The following MRNIP variants were observed in gnomAD, a reference collection of about 807,000 sequenced individuals.
The protein encoded by MRNIP is MRN complex interacting protein.
A neutral mutation model predicts 29.8 loss-of-function variants in MRNIP; 30 were observed. The observed-to-expected ratio is 1.01, with a 90% CI of 0.75 to 1.36. The LOEUF is 1.36. Ranked by LOEUF, MRNIP falls within the 40% of genes most tolerant of loss-of-function variation. The probability of loss-of-function intolerance (pLI) is 0.00; values close to 1 mark genes in which losing one functional copy is unlikely to be tolerated. For missense variants in MRNIP, 459 were observed against 423.5 expected, an observed-to-expected ratio of 1.08 and a Z score of -0.74; for synonymous variants, 201 against 164.1, an observed-to-expected ratio of 1.23 and a Z score of -1.72.
Position 179,841,966 on chromosome 5 carries a change from CTGTT to C in MRNIP, c.386_389del (p.Lys129SerfsTer55), listed in dbSNP as rs1561615530. The C allele has an allele frequency of 3.7e-6, 6 of 1,614,060 alleles. No individual in the cohort carries two copies. The South Asian group carries it at 6.6e-5, about 18-fold the overall frequency. ...CTGGCTCCTCCATTTTGGATGAAGG[CTGTT>C]TGCTGAAACACACTCCTGTTCCTTC... On this transcript the variant is annotated frameshift_variant, in exon 5 of 7. Coordinates refer to ENST00000292586, the MANE Select transcript of MRNIP (RefSeq NM_016175.4). LOFTEE classifies it high-confidence loss of function.
chr5:179,838,143 C>T (rs1758696500), intron 6 of MRNIP: 1 of 559,552 alleles, frequency 1.8e-6, no homozygotes, highest in Admixed American at 3.1e-5. Context: ...TCAGGTGATC[C>T]ATCTCCTGGG....
chr5:179,847,778 G>A, intron 3 of MRNIP, 200 bp downstream of exon 3: 2 of 528,832 alleles, frequency 3.8e-6, no homozygotes, highest in Non-Finnish European at 6.7e-6. Context: ...CTCGGGTGAA[G>A]CTCAGCCCCA....
intron 4 of MRNIP, 83 bp from the exon 5 acceptor site, chr5:179,842,147 TG>T: frequency 1.5e-6 from 2 of 1,372,678 alleles, no homozygotes; most frequent in Non-Finnish European, 2.0e-6. Context: ...CTCTTGGGCC[TG>T]AGGATCTCAG....
At position 179,837,328 on chromosome 5, in the gene MRNIP, G is replaced by C. The variant is rs780421957; in HGVS notation, c.*63C>G. ...GTTCTTACAGAGTATCTTTAAAAGT[G>C]CCTTAGGGGAACCCTGTCCCTCCTA... On this transcript the variant is annotated 3_prime_UTR_variant, in exon 7 of 7. Transcript: ENST00000292586. 6.3e-7 allele frequency: 1 copy of C among 1,588,040 alleles called. No individual in the cohort carries two copies. The highest frequency in any genetic ancestry group is 2.2e-5 in the East Asian group (1 of 44,674).
Position 179,846,726 on chromosome 5 carries a change from C to A in MRNIP, c.215+1252G>T, listed in dbSNP as rs544021685. On this transcript the variant is annotated intron_variant, in intron 3 of 6. Transcript: ENST00000292586. ...GTATGTAAAAGGCTGAAAAACCATG[C>A]AACTACTTCCTTTTATTTCCAAAAT... Among the ~76,000 whole-genome samples the A allele has an allele frequency of 2.6e-5, 4 of 152,290 alleles. No homozygotes were observed. In the East Asian group the frequency reaches 7.7e-4, roughly 29 times the overall value.
chr5:179,853,137 G>T, intron 2 of MRNIP: 1 of 1,174,794 alleles, frequency 8.5e-7, no homozygotes, highest in Non-Finnish European at 1.2e-6. Flanking sequence ...TTCCCCTTGT[G>T]CTTGGCACAC....
At position 179,837,670 on chromosome 5, in the gene MRNIP, C is replaced by T. The variant is rs757320769; in HGVS notation, c.753G>A (p.Gln251=). ...CTGGACCAGCTGGCCTGGGGTCCCT[C>T]TGAAGAGACCTTGGCTGCTCACTGT... ...HVDSEQPRSL[Q]RDPRPAGPAQ... The change falls in exon 7 of 7, where the codon CAG becomes CAA. Residue 251 remains glutamine (Q), a synonymous_variant. Transcript: ENST00000292586. 4 of 1,614,126 alleles carry T rather than the reference C, an allele frequency of 2.5e-6. No individual in the cohort carries two copies. The African/African-American group carries it at 5.3e-5, about 22-fold the overall frequency.
intron 6 of MRNIP, chr5:179,839,325 T>C (rs1409318638): frequency 6.7e-6 from 1 of 149,172 alleles, no homozygotes; most frequent in African/African-American, 2.5e-5. Context: ...AGCGATAGAG[T>C]GGGTCCCTGC....
Position 179,837,902 on chromosome 5 carries a change from C to T in MRNIP, c.538-17G>A. 1 of 1,594,720 alleles carries T rather than the reference C, an allele frequency of 6.3e-7. No homozygotes were observed. The highest frequency in any genetic ancestry group is 8.5e-7 in the Non-Finnish European group (1 of 1,175,552). On this transcript the variant is annotated splice_polypyrimidine_tract_variant and intron_variant, in intron 6 of 6. Coordinates refer to ENST00000292586, the MANE Select transcript of MRNIP (RefSeq NM_016175.4). ...AGCCTGTCCCTGAAAGAGAAGATGG[C>T]CATGCCCTCCATGTGTAAGAACAAT...
rs1758621108 is a variant in MRNIP at position 179,837,293 on chromosome 5, A to C, written c.*98T>G. ...GAGAGAAATGATTGACAGTAAGTTT[A>C]TTGTTAATGGTTCTTACAGAGTATC... On this transcript the variant is annotated 3_prime_UTR_variant, in exon 7 of 7. Transcript: ENST00000292586. 6.2e-7 allele frequency: 1 copy of C among 1,607,332 alleles called. No homozygotes were observed. Among genetic ancestry groups the C allele is most frequent in the Non-Finnish European group, 8.5e-7 (1 of 1,177,598 alleles).
chr5:179,842,492 A>G (rs1758921529), intron 4 of MRNIP, among the ~76,000 whole-genome samples: 1 of 149,630 alleles, frequency 6.7e-6, no homozygotes, highest in African/African-American at 2.5e-5. Context: ...CACCCTGGCC[A>G]ATACGGTGAA....
intron 3 of MRNIP, chr5:179,845,824 A>ATTTT (rs1223246219): frequency 6.6e-6 from 1 of 152,008 alleles, no homozygotes; most frequent in Admixed American, 6.6e-5. Flanking sequence ...AAATACACCT[A>ATTTT]TTTTTTTGGA....
At chr5:179,852,619 G>A (rs1759418131) in intron 2 of MRNIP, among the ~76,000 whole-genome samples, 1 of 152,274 alleles carries the variant, frequency 6.6e-6, no homozygotes, top group East Asian at 1.9e-4. Flanking sequence ...AAGAGGGAGG[G>A]GAACTCCACA....
intron 1 of MRNIP, among the ~76,000 whole-genome samples, chr5:179,854,073 T>C (rs2113572365): frequency 7.0e-6 from 1 of 143,848 alleles, no homozygotes; most frequent in South Asian, 2.2e-4. Context: ...CAGGCTGGAG[T>C]GCAGCGGCGC....
chr5:179,851,299 G>A (rs1759356287), intron 2 of MRNIP: 1 of 455,962 alleles, frequency 2.2e-6, no homozygotes, highest in Non-Finnish European at 4.4e-6. Context: ...GACCAGAGGT[G>A]GGCATCCGAG....
intron 5 of MRNIP, 188 bp from the exon 6 acceptor site, chr5:179,841,147 GA>G: frequency 1.7e-6 from 1 of 578,224 alleles, no homozygotes; most frequent in African/African-American, 1.9e-5. Flanking sequence ...CTAGGTGCTA[GA>G]AAGTTTTGTT....
At chr5:179,845,181 C>T (rs1367494607) in intron 3 of MRNIP, among the ~76,000 whole-genome samples, 2 of 151,638 alleles carry the variant, frequency 1.3e-5, no homozygotes, top group African/African-American at 2.4e-5. Flanking sequence ...ATCTGTTTAA[C>T]GTGTCCACTG....
At chr5:179,844,481 GA>G (rs1759046253) in intron 3 of MRNIP, among the ~76,000 whole-genome samples, 1 of 152,194 alleles carries the variant, frequency 6.6e-6, no homozygotes, top group Admixed American at 6.5e-5. Flanking sequence ...GGAATCACAT[GA>G]CAATGGAGAT....
At chr5:179,841,715 G>A in intron 5 of MRNIP, 192 bp downstream of exon 5, 1 of 635,952 alleles carries the variant, frequency 1.6e-6, no homozygotes, top group Non-Finnish European at 2.8e-6. Flanking sequence ...CTTCGCCTCT[G>A]CACCAGCAGT....
Sources: gnomAD v4.1 joint callset for allele counts (sites outside exome capture counted in the v4.1 genomes callset) on GRCh38, gnomAD v4.1.1 for gene constraint, MANE v1.5 for transcripts, NCBI Gene and HGNC (gene_info 2026-07-23, HGNC 2026-07-21) for gene names.